The following ELMO1 variants were observed in gnomAD, a reference collection of about 807,000 sequenced individuals.
ELMO1 encodes the protein engulfment and cell motility 1.
Under a neutral mutation model 98.9 loss-of-function variants are expected in ELMO1, and 26 were observed. The observed-to-expected ratio is 0.26, with a 90% CI of 0.19 to 0.36. ELMO1 has a LOEUF of 0.36. ELMO1 is among the 10% of genes least tolerant of loss of function. The probability of loss-of-function intolerance (pLI) is 1.00; values close to 1 mark genes in which losing one functional copy is unlikely to be tolerated. For missense variants in ELMO1, 627 were observed against 935.2 expected, an observed-to-expected ratio of 0.67 and a Z score of 4.30; for synonymous variants, 346 against 346.0, an observed-to-expected ratio of 1.00 and a Z score of 0.00.
At chr7:37,348,776 T>G (rs1461971949) in intron 1 of ELMO1, among the ~76,000 whole-genome samples, 1 of 152,200 alleles carries the variant, frequency 6.6e-6, no homozygotes, top group Non-Finnish European at 1.5e-5. Context: ...TGTAGTCTCT[T>G]AAAGATCTGT....
intron 1 of ELMO1, among the ~76,000 whole-genome samples, chr7:37,369,947 C>T (rs913454982): frequency 1.3e-5 from 2 of 152,128 alleles, no homozygotes; most frequent in African/African-American, 4.8e-5. Flanking sequence ...CCAGGACTGG[C>T]TCTCTCTTTA....
At chr7:36,881,709 A>T (rs1187968808) in intron 18 of ELMO1, among the ~76,000 whole-genome samples, 1 of 152,178 alleles carries the variant, frequency 6.6e-6, no homozygotes, top group Non-Finnish European at 1.5e-5. Flanking sequence ...TTCAGAGTTC[A>T]CAAGCCTGGT....
intron 15 of ELMO1, among the ~76,000 whole-genome samples, chr7:37,030,829 T>C (rs1794841752): frequency 6.6e-6 from 1 of 152,202 alleles, no homozygotes; most frequent in African/African-American, 2.4e-5. Flanking sequence ...GTCCTGTAGC[T>C]TCTACATTCA....
At chr7:37,074,069 TTAAATATATAGTA>T (rs889239345) in intron 15 of ELMO1, among the ~76,000 whole-genome samples, 4 of 148,524 alleles carry the variant, frequency 2.7e-5, no homozygotes, top group African/African-American at 4.9e-5. Flanking sequence ...TACAGTATAA[TTAAATATATAGTA>T]TAAATATATA....
chr7:37,088,442 GC>G (rs1378034281), intron 15 of ELMO1, among the ~76,000 whole-genome samples: 1 of 152,184 alleles, frequency 6.6e-6, no homozygotes, highest in East Asian at 1.9e-4. Context: ...GTATCTCTAA[GC>G]TTGTGCATAT....
chr7:37,247,006 T>C (rs1319309128), intron 6 of ELMO1, among the ~76,000 whole-genome samples: 1 of 152,192 alleles, frequency 6.6e-6, no homozygotes, highest in Non-Finnish European at 1.5e-5. Context: ...AAATTTGTGC[T>C]CTTTTGACTT....
At chr7:36,931,974 T>C (rs1167975394) in intron 16 of ELMO1, among the ~76,000 whole-genome samples, 1 of 152,246 alleles carries the variant, frequency 6.6e-6, no homozygotes, top group African/African-American at 2.4e-5. Flanking sequence ...GCATAATACA[T>C]TGTTTCAGGT....
intron 13 of ELMO1, among the ~76,000 whole-genome samples, chr7:37,183,472 C>T (rs571275294): frequency 1.3e-5 from 2 of 152,070 alleles, no homozygotes; most frequent in Non-Finnish European, 2.9e-5. Flanking sequence ...TTTATTTGTT[C>T]GTGCACTACA....
intron 13 of ELMO1, among the ~76,000 whole-genome samples, chr7:37,175,135 CA>C (rs1266562861): frequency 6.6e-6 from 1 of 151,844 alleles, no homozygotes; most frequent in Non-Finnish European, 1.5e-5. Flanking sequence ...TGAAACACTG[CA>C]AAGAGAAAAT....
At chr7:37,354,513 C>A (rs1201358796) in intron 1 of ELMO1, among the ~76,000 whole-genome samples, 1 of 152,220 alleles carries the variant, frequency 6.6e-6, no homozygotes, top group Non-Finnish European at 1.5e-5. Flanking sequence ...TGAGCTGAGC[C>A]ACTCACTCTC....
At chr7:37,391,308 G>A (rs1019099922) in intron 1 of ELMO1, among the ~76,000 whole-genome samples, 2 of 151,978 alleles carry the variant, frequency 1.3e-5, no homozygotes, top group Non-Finnish European at 2.9e-5. Flanking sequence ...GTAGAGATGG[G>A]GTTTCACCAT....
At chr7:37,425,515 T>C (rs1168762170) in intron 1 of ELMO1, among the ~76,000 whole-genome samples, 1 of 152,240 alleles carries the variant, frequency 6.6e-6, no homozygotes, top group Non-Finnish European at 1.5e-5. Context: ...ACTGGTTCAA[T>C]GCTGTACCAC....
chr7:37,426,849 C>G (rs1804729281), intron 1 of ELMO1, among the ~76,000 whole-genome samples: 1 of 151,960 alleles, frequency 6.6e-6, no homozygotes, highest in Non-Finnish European at 1.5e-5. Flanking sequence ...GGTTGGATAT[C>G]CTTGTTATTC....
intron 16 of ELMO1, among the ~76,000 whole-genome samples, chr7:36,967,944 C>T (rs752966801): frequency 2.6e-5 from 4 of 152,104 alleles, no homozygotes; most frequent in Non-Finnish European, 5.9e-5. Flanking sequence ...ATAACCCTTC[C>T]ATTATGTTTA....
chr7:36,937,805 T>C (rs530881883), intron 16 of ELMO1, among the ~76,000 whole-genome samples: 2 of 152,292 alleles, frequency 1.3e-5, no homozygotes, highest in African/African-American at 4.8e-5. Context: ...TAAAATTAAA[T>C]GCAACAGTGA....
At chr7:37,398,668 T>C (rs113308430) in intron 1 of ELMO1, among the ~76,000 whole-genome samples, 2 of 76,508 alleles carry the variant, frequency 2.6e-5, no homozygotes, top group East Asian at 9.1e-4. Flanking sequence ...TCACGTGTAC[T>C]GCTGCTATCG....
intron 13 of ELMO1, among the ~76,000 whole-genome samples, chr7:37,180,851 AAG>A (rs1244860825): frequency 6.6e-6 from 1 of 151,938 alleles, no homozygotes; most frequent in Non-Finnish European, 1.5e-5. Flanking sequence ...CAAACAGAGA[AAG>A]AGAGAAAGCA....
intron 1 of ELMO1, among the ~76,000 whole-genome samples, chr7:37,404,627 T>C (rs2131471188): frequency 6.6e-6 from 1 of 152,352 alleles, no homozygotes; most frequent in Middle Eastern, 3.4e-3. Context: ...ACACCCCATC[T>C]GCGAGGCCCA....
At chr7:37,069,426 C>A (rs932103563) in intron 15 of ELMO1, among the ~76,000 whole-genome samples, 15 of 152,200 alleles carry the variant, frequency 9.9e-5, no homozygotes, top group African/African-American at 3.6e-4. Context: ...TTCCCAACCA[C>A]TTCATGTATG....
Sources: gnomAD v4.1 joint callset for allele counts (sites outside exome capture counted in the v4.1 genomes callset) on GRCh38, gnomAD v4.1.1 for gene constraint, MANE v1.5 for transcripts, NCBI Gene and HGNC (gene_info 2026-07-23, HGNC 2026-07-21) for gene names.